Variants in GLDC observed in about 807,000 individuals in gnomAD.
The protein encoded by GLDC is glycine dehydrogenase (decarboxylating), mitochondrial.
GLDC carries 104 observed loss-of-function variants against 121.3 expected under a neutral mutation model. That is an observed-to-expected ratio of 0.86 (90% CI 0.73 to 1.01). GLDC has a LOEUF of 1.01. Among genes scored for constraint, GLDC ranks in the 50% least tolerant of loss-of-function variants. GLDC has a pLI of 0.00. For missense variants in GLDC, 1,429 were observed against 1,306.6 expected, an observed-to-expected ratio of 1.09 and a Z score of -1.44; for synonymous variants, 546 against 480.6, an observed-to-expected ratio of 1.14 and a Z score of -1.78.
In GLDC at chr9:6,533,081, C is replaced by A. The variant is rs776192576; in HGVS notation, c.2999G>T (p.Cys1000Phe). Residue 1000 changes from cysteine to phenylalanine, a missense_variant, in exon 25 of 25, where the codon TGT becomes TTT. Coordinates refer to ENST00000321612, the MANE Select transcript of GLDC (RefSeq NM_000170.3). ...DDIYGDQHLV[C>F]TCPPMEVYES... ...ATAAACTTCCATGGGTGGGCAGGTA[C>A]AAACCAGGTGCTGATCTCCATATAT... 5 of 1,611,834 alleles carry A rather than the reference C, an allele frequency of 3.1e-6. No individual in the cohort carries two copies. The highest frequency in any genetic ancestry group is 2.2e-5 in the South Asian group (2 of 91,032).
chr9:6,637,612 A>G (rs1819531972), intron 2 of GLDC, among the ~76,000 whole-genome samples: 1 of 151,988 alleles, frequency 6.6e-6, no homozygotes, highest in Non-Finnish European at 1.5e-5. Context: ...GACAACAGGC[A>G]TGCACCACCA....
chr9:6,641,736 A>C (rs1819634033), intron 2 of GLDC, among the ~76,000 whole-genome samples: 1 of 152,248 alleles, frequency 6.6e-6, no homozygotes. Context: ...GTCTGAGATT[A>C]CTGAGTTATG....
chr9:6,595,142 G>A (rs772910788), intron 8 of GLDC, 23 bp from the exon 9 acceptor site: 1 of 1,466,724 alleles, frequency 6.8e-7, no homozygotes, highest in South Asian at 1.1e-5. Flanking sequence ...AACATTTAAA[G>A]AATCACGTGA....
intron 2 of GLDC, among the ~76,000 whole-genome samples, chr9:6,634,705 G>C (rs1587982593): frequency 6.6e-6 from 1 of 152,130 alleles, no homozygotes; most frequent in East Asian, 1.9e-4. Flanking sequence ...ATGTGGGCCT[G>C]ATGGAAACTC....
chr9:6,644,050 A>AAAAAAAAAAAAAAC (rs55988287), intron 2 of GLDC, among the ~76,000 whole-genome samples: 31 of 92,730 alleles, frequency 3.3e-4, no homozygotes, highest in African/African-American at 9.1e-4. Context: ...AAAAAAAAAA[A>AAAAAAAAAAAAAAC]CGAAAAAAAA....
rs386833529 is a variant in GLDC at position 6,588,629 on chromosome 9, T to C, written c.1654A>G (p.Met552Val). The change falls in exon 13 of 25, where the codon ATG becomes GTG. Residue 552 changes from methionine to valine, a missense_variant. Met to Val is a conservative substitution (Grantham distance 21). Coordinates refer to ENST00000321612, the MANE Select transcript of GLDC (RefSeq NM_000170.3). Reference protein sequence around the residue: ...ENKDISLVHSMIPLGSCTMKL... With the variant: ...ENKDISLVHSVIPLGSCTMKL... The stretch of plus-strand genomic sequence containing the variant: ...CCACAAATAACTACCAGTGGAATCA[T>C]GCTGTGAACAAGGGAAATGTCTTTA... 3 of 1,609,332 alleles carry C rather than the reference T, an allele frequency of 1.9e-6. No homozygotes were observed. Among genetic ancestry groups the C allele is most frequent in the African/African-American group, 1.3e-5 (1 of 74,950 alleles).
chr9:6,631,922 T>C (rs1432681531), intron 2 of GLDC, among the ~76,000 whole-genome samples: 1 of 152,080 alleles, frequency 6.6e-6, no homozygotes, highest in East Asian at 1.9e-4. Context: ...AATAAATTAG[T>C]CCATGTGGTA....
intron 15 of GLDC, among the ~76,000 whole-genome samples, chr9:6,582,828 C>CAA (rs753266751): frequency 4.3e-5 from 4 of 92,500 alleles, no homozygotes; most frequent in South Asian, 3.6e-4. Flanking sequence ...GACCTCGTCT[C>CAA]AAAAAAAAAA....
chr9:6,559,685 C>G (rs915975861), intron 16 of GLDC, among the ~76,000 whole-genome samples: 2 of 151,400 alleles, frequency 1.3e-5, no homozygotes, highest in African/African-American at 4.9e-5. Flanking sequence ...TGTGGTGACG[C>G]ACGCCTGTAG....
At chr9:6,622,699 G>GCCAC (rs1819133495) in intron 2 of GLDC, 1 of 198,256 alleles carries the variant, frequency 5.0e-6, no homozygotes, top group Non-Finnish European at 1.0e-5. Flanking sequence ...CTGCCTGGCC[G>GCCAC]CCCATGGTCT....
chr9:6,570,797 T>C (rs1817946932), intron 15 of GLDC, among the ~76,000 whole-genome samples: 1 of 141,762 alleles, frequency 7.1e-6, no homozygotes, highest in African/African-American at 2.7e-5. Context: ...GAGGTTCCAG[T>C]GAGCTGAGAT....
chr9:6,634,464 G>A (rs2129995085), intron 2 of GLDC, among the ~76,000 whole-genome samples: 1 of 152,140 alleles, frequency 6.6e-6, no homozygotes, highest in Non-Finnish European at 1.5e-5. Flanking sequence ...GGGAGGCAGA[G>A]GTTGCAGTGA....
intron 2 of GLDC, among the ~76,000 whole-genome samples, chr9:6,636,831 C>T (rs1819512656): frequency 6.6e-6 from 1 of 151,936 alleles, no homozygotes; most frequent in Non-Finnish European, 1.5e-5. Context: ...TGACTGTAAT[C>T]CCAGCACTTT....
intron 15 of GLDC, among the ~76,000 whole-genome samples, chr9:6,570,583 G>A (rs1817940140): frequency 6.6e-6 from 1 of 152,086 alleles, no homozygotes; most frequent in African/African-American, 2.4e-5. Context: ...ACCAGGCATG[G>A]TGGCTCATGC....
At chr9:6,583,987 T>G (rs1324279350) in intron 15 of GLDC, among the ~76,000 whole-genome samples, 2 of 152,236 alleles carry the variant, frequency 1.3e-5, no homozygotes, top group African/African-American at 4.8e-5. Flanking sequence ...ACTTAATGCC[T>G]CTGAACTGTA....
In GLDC at chr9:6,550,796, T is replaced by C. The variant is rs1398676675; in HGVS notation, c.2569+7A>G. 1.9e-6 allele frequency: 3 copies of C among 1,574,394 alleles called. No homozygotes were observed. The highest frequency in any genetic ancestry group is 2.2e-5 in the East Asian group (1 of 44,714). On this transcript the variant is annotated splice_region_variant and intron_variant, in intron 21 of 24. Transcript: ENST00000321612. ...CAAAGTAATGATAGATTAAAGTTGATACTTGCCTCTTGCACCCCTGAAAAG... is the reference window on the plus strand; with the variant it reads ...CAAAGTAATGATAGATTAAAGTTGACACTTGCCTCTTGCACCCCTGAAAAG...
At chr9:6,638,067 T>G (rs1422843394) in intron 2 of GLDC, among the ~76,000 whole-genome samples, 1 of 152,026 alleles carries the variant, frequency 6.6e-6, no homozygotes, top group Non-Finnish European at 1.5e-5. Context: ...CCCAAATAAT[T>G]GATAGCATAA....
intron 15 of GLDC, among the ~76,000 whole-genome samples, chr9:6,577,655 T>A (rs1198935538): frequency 2.0e-5 from 3 of 152,078 alleles, no homozygotes; most frequent in Admixed American, 1.3e-4. Flanking sequence ...GAGACAACTG[T>A]TTGAGTCCCA....
intron 15 of GLDC, among the ~76,000 whole-genome samples, chr9:6,583,226 T>C (rs187286395): frequency 7.1e-4 from 108 of 151,980 alleles, no homozygotes; most frequent in African/African-American, 2.5e-3. Flanking sequence ...TATACCAAAA[T>C]AAAAACTGAA....
Sources: allele counts gnomAD v4.1 joint callset (sites outside exome capture counted in the v4.1 genomes callset), GRCh38; gene constraint gnomAD v4.1.1; transcripts MANE v1.5; gene names NCBI Gene and HGNC (gene_info 2026-07-23, HGNC 2026-07-21).